The following TFDP2 variants were observed in gnomAD, a reference collection of about 807,000 sequenced individuals.
TFDP2 encodes transcription factor Dp-2, also known as transcription factor Dp-2 (E2F dimerization partner 2).
A neutral mutation model predicts 59.3 loss-of-function variants in TFDP2; 17 were observed. That is an observed-to-expected ratio of 0.29 (90% CI 0.20 to 0.43). The LOEUF (loss-of-function observed/expected upper bound fraction) is 0.43. Ranked by LOEUF, TFDP2 falls within the 20% of genes least tolerant of loss-of-function variation. TFDP2 has a pLI of 1.00. For synonymous variants in TFDP2, 180 were observed against 194.7 expected (o/e 0.92, Z 0.63); for missense variants, 391 against 528.8 (o/e 0.74, Z 2.56).
chr3:141,954,439 C>T (rs1414390716), intron 11 of TFDP2, among the ~76,000 whole-genome samples: 1 of 151,940 alleles, frequency 6.6e-6, no homozygotes, highest in African/African-American at 2.4e-5. Flanking sequence ...GAGTTCGAGA[C>T]CAGCCTGGCA....
intron 3 of TFDP2, among the ~76,000 whole-genome samples, chr3:142,017,299 G>C (rs1945201870): frequency 6.6e-6 from 1 of 152,034 alleles, no homozygotes; most frequent in African/African-American, 2.4e-5. Flanking sequence ...GCTCCAGCTA[G>C]GTGTCTCCAA....
intron 6 of TFDP2, among the ~76,000 whole-genome samples, chr3:141,983,333 C>G (rs1433002254): frequency 1.3e-5 from 2 of 152,012 alleles, no homozygotes; most frequent in African/African-American, 4.8e-5. Context: ...AACGAAACAA[C>G]TCAATTCAAA....
chr3:142,019,758 CCT>C (rs957063488), intron 3 of TFDP2, among the ~76,000 whole-genome samples: 22 of 151,824 alleles, frequency 1.4e-4, no homozygotes, highest in African/African-American at 4.4e-4. Flanking sequence ...AGGTTTTCCC[CCT>C]GAGTTAGCCA....
intron 3 of TFDP2, among the ~76,000 whole-genome samples, chr3:142,085,190 C>T (rs1029294354): frequency 6.6e-6 from 1 of 152,222 alleles, no homozygotes; most frequent in South Asian, 2.1e-4. Context: ...GCTGGGGTTA[C>T]AGGCATGTGC....
rs547285269 is a variant in TFDP2 at position 141,947,889 on chromosome 3, C to A, written c.*4624G>T. 6.6e-5 allele frequency: 10 copies of A among 152,576 alleles called. No individual in the cohort carries two copies. Among genetic ancestry groups the A allele is most frequent in the African/African-American group, 2.2e-4 (9 of 41,580 alleles). The allele number at this position is 152,576 out of a possible 1,614,324, so 9.5% of individuals were successfully genotyped here. On this transcript the variant is annotated 3_prime_UTR_variant, in exon 13 of 13. Transcript: ENST00000489671. ...TTCCCAGAGGGGCCTTTCCCAGCCA[C>A]CCCCAGCCAAAGTAGCCTTTCCCAA...
intron 1 of TFDP2, among the ~76,000 whole-genome samples, chr3:142,115,320 T>C (rs892441145): frequency 1.8e-4 from 27 of 150,022 alleles, no homozygotes; most frequent in Admixed American, 5.3e-4. Flanking sequence ...ATTTTCTTTT[T>C]TTTTTTTTTT....
At chr3:142,142,824 C>T (rs1022599468) in intron 1 of TFDP2, among the ~76,000 whole-genome samples, 1 of 152,200 alleles carries the variant, frequency 6.6e-6, no homozygotes, top group African/African-American at 2.4e-5. Flanking sequence ...TCATTTTCCA[C>T]AAAGATGCCA....
chr3:142,112,697 T>A (rs73233887), intron 1 of TFDP2, among the ~76,000 whole-genome samples: 12,914 of 152,200 alleles, frequency 0.085, 680 homozygotes, highest in Middle Eastern at 0.14. Flanking sequence ...TGATTTTTTT[T>A]TAAATTGAGA....
intron 3 of TFDP2, among the ~76,000 whole-genome samples, chr3:142,036,964 C>T (rs534472736): frequency 7.9e-5 from 12 of 152,270 alleles, no homozygotes; most frequent in South Asian, 2.1e-4. Flanking sequence ...CACTCCTCAG[C>T]GTCCAATGGT....
At chr3:142,089,918 G>A (rs1232147364) in intron 3 of TFDP2, among the ~76,000 whole-genome samples, 2 of 151,968 alleles carry the variant, frequency 1.3e-5, no homozygotes, top group Non-Finnish European at 2.9e-5. Context: ...GTATTAGAAA[G>A]GCAGAATTTT....
intron 3 of TFDP2, among the ~76,000 whole-genome samples, chr3:142,087,924 T>C (rs1257322521): frequency 6.6e-6 from 1 of 152,216 alleles, no homozygotes; most frequent in Non-Finnish European, 1.5e-5. Flanking sequence ...CATTGTTACT[T>C]CCTCAGTGCA....
intron 11 of TFDP2, among the ~76,000 whole-genome samples, chr3:141,955,500 G>A (rs1314391300): frequency 6.6e-6 from 1 of 152,088 alleles, no homozygotes; most frequent in Non-Finnish European, 1.5e-5. Context: ...AGAGAGGAAA[G>A]CTGGGTGGGG....
chr3:141,981,856 AAAAAG>A (rs1475534574), intron 6 of TFDP2, among the ~76,000 whole-genome samples: 1 of 152,232 alleles, frequency 6.6e-6, no homozygotes, highest in Non-Finnish European at 1.5e-5. Context: ...GGCAGGAGAT[AAAAAG>A]ATGGATTTAC....
chr3:142,017,548 C>CTTT (rs10535313), intron 3 of TFDP2, among the ~76,000 whole-genome samples: 16 of 87,226 alleles, frequency 1.8e-4, no homozygotes, highest in East Asian at 3.3e-4. Context: ...CAAAAATATT[C>CTTT]TTTTTTTTTT....
rs1559942215 is a variant in TFDP2, at chr3:141,969,140, C to CT, written c.732+932_732+933insA. 6.8e-5 allele frequency among the ~76,000 whole-genome samples: 4 copies of CT among 59,166 alleles called. 1 individual carries two copies. The highest frequency in any genetic ancestry group is 1.1e-4 in the Non-Finnish European group (4 of 34,922). The allele number at this position is 59,166 out of a possible 152,430, so 38.8% of individuals were successfully genotyped here. A position where few individuals can be genotyped will look rare whatever the true frequency, so the allele number is the denominator to read the frequency against. On this transcript the variant is annotated intron_variant, in intron 9 of 12. Coordinates refer to ENST00000489671, the MANE Select transcript of TFDP2 (RefSeq NM_001178139.2). ...GAGATATATATATAACATATATATC[C>CT]CATATATATGAGATATATATATAAC...
intron 3 of TFDP2, among the ~76,000 whole-genome samples, chr3:142,041,092 T>C (rs149195587): frequency 6.6e-6 from 1 of 152,330 alleles, no homozygotes; most frequent in African/African-American, 2.4e-5. Flanking sequence ...TCAATTCTCC[T>C]AGTGAATTAT....
chr3:142,119,833 G>A (rs1167239031), intron 1 of TFDP2, among the ~76,000 whole-genome samples: 3 of 152,218 alleles, frequency 2.0e-5, no homozygotes, highest in African/African-American at 4.8e-5. Context: ...GGCGGATCAC[G>A]AGGTCAGGAG....
chr3:142,090,562 C>CTT (rs944915464), intron 3 of TFDP2, among the ~76,000 whole-genome samples: 30 of 139,254 alleles, frequency 2.2e-4, no homozygotes, highest in African/African-American at 6.6e-4. Flanking sequence ...TCTTTCTTTC[C>CTT]TTTTTTTTTT....
At chr3:142,060,401 C>A (rs1429028115) in intron 3 of TFDP2, among the ~76,000 whole-genome samples, 5 of 152,156 alleles carry the variant, frequency 3.3e-5, no homozygotes, top group Admixed American at 1.3e-4. Context: ...AAGCTCCCAA[C>A]AAAACCTAAA....
Sources: allele counts gnomAD v4.1 joint callset (sites outside exome capture counted in the v4.1 genomes callset), GRCh38; gene constraint gnomAD v4.1.1; transcripts MANE v1.5; gene names NCBI Gene and HGNC (gene_info 2026-07-23, HGNC 2026-07-21).